The following ABCG1 variants were observed in gnomAD, a reference collection of about 807,000 sequenced individuals.
The protein encoded by ABCG1 is ATP binding cassette subfamily G member 1, also known as ATP-binding cassette sub-family G member 1.
In ABCG1, 29 loss-of-function variants were observed where a neutral mutation model predicts 69.2. That is an observed-to-expected ratio of 0.42 (90% CI 0.31 to 0.57). The LOEUF is 0.57. Among genes scored for constraint, ABCG1 ranks in the 20% least tolerant of loss-of-function variants. The pLI is 0.15. For missense variants in ABCG1, 718 were observed against 898.1 expected (o/e 0.80, Z 2.56); for synonymous variants, 370 against 374.8 (o/e 0.99, Z 0.15).
chr21:42,204,477 T>C (rs2067528513), intron 2 of ABCG1, among the ~76,000 whole-genome samples: 1 of 152,266 alleles, frequency 6.6e-6, no homozygotes, highest in Non-Finnish European at 1.5e-5. Context: ...GTGCTTTTTC[T>C]GCATCAATTG....
At chr21:42,259,201 A>G in intron 2 of ABCG1, 1 of 1,423,650 alleles carries the variant, frequency 7.0e-7, no homozygotes, top group Non-Finnish European at 9.2e-7. Flanking sequence ...GCGTTCCCAG[A>G]TGTCGCTGGT....
At chr21:42,254,638 G>A (rs922912076) in intron 2 of ABCG1, among the ~76,000 whole-genome samples, 1 of 152,266 alleles carries the variant, frequency 6.6e-6, no homozygotes, top group Non-Finnish European at 1.5e-5. Flanking sequence ...TCACGAAAAT[G>A]GAGGCGGTCG....
chr21:42,236,764 T>C (rs1294133670), intron 2 of ABCG1, among the ~76,000 whole-genome samples: 2 of 152,174 alleles, frequency 1.3e-5, no homozygotes, highest in East Asian at 3.8e-4. Flanking sequence ...ATGAAAACCT[T>C]TGCAACAAGA....
intron 2 of ABCG1, among the ~76,000 whole-genome samples, chr21:42,229,397 C>T (rs910229517): frequency 1.7e-4 from 26 of 152,122 alleles, no homozygotes; most frequent in African/African-American, 5.1e-4. Flanking sequence ...GAGGTGTCTC[C>T]GAAGGTAAGA....
chr21:42,282,633 G>A (rs758442988), intron 6 of ABCG1, among the ~76,000 whole-genome samples: 8 of 152,232 alleles, frequency 5.3e-5, no homozygotes, highest in Non-Finnish European at 1.0e-4. Context: ...CAAGGCTTGT[G>A]TTGACCCTGG....
chr21:42,224,374 C>G (rs1398398599), intron 1 of ABCG1, among the ~76,000 whole-genome samples: 1 of 152,128 alleles, frequency 6.6e-6, no homozygotes, highest in Admixed American at 6.5e-5. Flanking sequence ...GCTTCGGGGT[C>G]GCTCCCTTGG....
Position 42,297,060 on chromosome 21 carries a change from T to C in ABCG1, c.*668T>C, listed in dbSNP as rs1315705056. The C allele has an allele frequency of 6.5e-6, 1 of 153,122 alleles. No homozygotes were observed. The highest frequency in any genetic ancestry group is 1.5e-5 in the Non-Finnish European group (1 of 68,592). The allele number at this position is 153,122 out of a possible 1,614,324, so 9.5% of individuals were successfully genotyped here. ...AGCTGGTCTCATACATAGACAGCAC[T>C]TGTGAAGGATTGAATGCAGGTTCCA... On this transcript the variant is annotated 3_prime_UTR_variant, in exon 15 of 15. Transcript: ENST00000398449.
chr21:42,259,329 G>C (rs546905482), intron 2 of ABCG1: 1 of 1,549,354 alleles, frequency 6.5e-7, no homozygotes, highest in African/African-American at 1.4e-5. Context: ...AGCCGTGCAT[G>C]TACAGGTGGC....
chr21:42,291,056 T>C lies in ABCG1; in HGVS notation c.1394-36T>C. ...TGTTAAACGGGCTCGCTGCACATGGTCACTGACCCTTCTTTTTTGCTTTTC... is the reference window on the plus strand; with the variant it reads ...TGTTAAACGGGCTCGCTGCACATGGCCACTGACCCTTCTTTTTTGCTTTTC... On this transcript the variant is annotated intron_variant, in intron 11 of 14. Transcript: ENST00000398449. This position sits in a 1 kb window ranked among gnomAD's most constrained non-coding sequence, Gnocchi z 6.4. 6.5e-7 allele frequency: 1 copy of C among 1,533,254 alleles called. No homozygotes were observed. The highest frequency in any genetic ancestry group is 1.7e-5 in the Admixed American group (1 of 59,532). The allele number at this position is 1,533,254 out of a possible 1,614,324, so 95.0% of individuals were successfully genotyped here.
chr21:42,280,250 C>G (rs55874718), intron 5 of ABCG1, among the ~76,000 whole-genome samples: 31,147 of 152,240 alleles, frequency 0.2, 3,288 homozygotes, highest in South Asian at 0.3. Flanking sequence ...CTCCAACCCC[C>G]GATGTGCACC....
chr21:42,259,207 C>A, intron 2 of ABCG1: 2 of 1,425,016 alleles, frequency 1.4e-6, no homozygotes, highest in Non-Finnish European at 1.8e-6. Context: ...CCAGATGTCG[C>A]TGGTGCTGGG....
At chr21:42,204,864 G>A (rs1264178384) in intron 2 of ABCG1, among the ~76,000 whole-genome samples, 3 of 151,898 alleles carry the variant, frequency 2.0e-5, no homozygotes, top group Admixed American at 6.6e-5. Context: ...TTGATACCTG[G>A]GTATGCTAAC....
intron 2 of ABCG1, among the ~76,000 whole-genome samples, chr21:42,206,241 T>A (rs965285459): frequency 2.6e-5 from 4 of 151,972 alleles, no homozygotes; most frequent in Admixed American, 2.0e-4. Flanking sequence ...TCCCAGCTAC[T>A]CAGGAGGCTG....
intron 2 of ABCG1, among the ~76,000 whole-genome samples, chr21:42,254,587 A>G (rs980825910): frequency 6.6e-6 from 1 of 152,242 alleles, no homozygotes; most frequent in Non-Finnish European, 1.5e-5. Context: ...AGAAGGTGCA[A>G]AAAGCAAGAG....
intron 2 of ABCG1, among the ~76,000 whole-genome samples, chr21:42,231,977 T>C (rs1044769355): frequency 6.6e-6 from 1 of 152,158 alleles, no homozygotes; most frequent in African/African-American, 2.4e-5. Context: ...AGAGTCTGCC[T>C]TGGAGAATTC....
Position 42,276,555 on chromosome 21 carries a change from G to A in ABCG1, c.538-340G>A, listed in dbSNP as rs2068713901. The A allele has an allele frequency of 3.3e-6, 1 of 299,416 alleles. No individual in the cohort carries two copies. The allele number at this position is 299,416 out of a possible 1,614,324, so 18.5% of individuals were successfully genotyped here. On this transcript the variant is annotated intron_variant, in intron 4 of 14. Transcript: ENST00000398449. The surrounding 1 kb of genome is among the most constrained non-coding windows in gnomAD (Gnocchi z 5.3). ...TACCATTGTTAAAGCAGGGGCATCG[G>A]AAGCCAAGAACTCCTTGGGTTTTCC...
At chr21:42,293,976 TCCACACACA>T (rs1203173814) in intron 13 of ABCG1, among the ~76,000 whole-genome samples, 3 of 141,834 alleles carry the variant, frequency 2.1e-5, no homozygotes, top group Non-Finnish European at 4.7e-5. Context: ...ACACACACAC[TCCACACACA>T]CACTCCACAC....
At chr21:42,269,284 G>A (rs551685293) in intron 2 of ABCG1, among the ~76,000 whole-genome samples, 70 of 152,292 alleles carry the variant, frequency 4.6e-4, no homozygotes, top group African/African-American at 1.6e-3. Context: ...CCGAAGTGCC[G>A]CAGTACTCCA....
chr21:42,218,315 A>C (rs2067665143), upstream of ABCG1, among the ~76,000 whole-genome samples: 1 of 152,212 alleles, frequency 6.6e-6, no homozygotes, highest in Non-Finnish European at 1.5e-5. Context: ...CATGGATACC[A>C]GGAAATGGCC....
Sources: gnomAD v4.1 joint callset for allele counts (sites outside exome capture counted in the v4.1 genomes callset) on GRCh38, gnomAD v4.1.1 for gene constraint, Gnocchi (gnomAD v3.1) non-coding constraint, MANE v1.5 for transcripts, NCBI Gene and HGNC (gene_info 2026-07-23, HGNC 2026-07-21) for gene names.